GLRA2: variants seen among roughly 807,000 people sequenced by gnomAD.
The protein encoded by GLRA2 is glycine receptor subunit alpha-2.
In GLRA2, 11 loss-of-function variants were observed where a neutral mutation model predicts 31.6. The ratio of observed to expected loss-of-function variants is 0.35; its 90% CI spans 0.22 to 0.58. The LOEUF (loss-of-function observed/expected upper bound fraction) is 0.58. GLRA2 is among the 20% of genes least tolerant of loss of function. GLRA2 has a pLI of 0.84. For synonymous variants in GLRA2, 132 were observed against 134.0 expected (o/e 0.99, Z 0.10); for missense variants, 212 against 351.8 (o/e 0.60, Z 3.18).
At chrX:14,652,655 T>A (rs777248477) in intron 7 of GLRA2, among the ~76,000 whole-genome samples, 10 of 111,371 alleles carry the variant, frequency 9.0e-5, no homozygotes, top group African/African-American at 3.3e-4. Flanking sequence ...CCAGGAACCA[T>A]GCCCATATAA....
At chrX:14,449,211 G>C in the GLRA2 span, among the ~76,000 whole-genome samples, 25 of 112,140 alleles carry the variant, frequency 2.2e-4, no homozygotes, top group African/African-American at 7.5e-4. Context: ...AAATTGAAGA[G>C]GGAGGAAGCT....
At chrX:14,524,771 TTAATA>T (rs1474537166), upstream of GLRA2, among the ~76,000 whole-genome samples, 1 of 110,815 alleles carries the variant, frequency 9.0e-6, no homozygotes, top group Non-Finnish European at 1.9e-5. Flanking sequence ...TGTGTGTATC[TTAATA>T]TAATAGTAAC....
intron 2 of GLRA2, among the ~76,000 whole-genome samples, chrX:14,544,006 C>T (rs2089443161): frequency 9.0e-6 from 1 of 111,077 alleles, no homozygotes; most frequent in African/African-American, 3.3e-5. Flanking sequence ...CTTAAACATA[C>T]ATAAAATATA....
chrX:14,463,260 G>T, the GLRA2 span, among the ~76,000 whole-genome samples: 1 of 111,398 alleles, frequency 9.0e-6, no homozygotes, highest in East Asian at 2.8e-4. Flanking sequence ...TGAGGTGTCT[G>T]TCGGCACCTA....
intron 8 of GLRA2, among the ~76,000 whole-genome samples, chrX:14,717,429 T>C (rs17264511): frequency 0.099 from 10,889 of 110,391 alleles, 796 homozygotes; most frequent in African/African-American, 0.24. Flanking sequence ...TTACCTCTCA[T>C]TGATCATTTT....
At chrX:14,495,324 G>A in the GLRA2 span, among the ~76,000 whole-genome samples, 2 of 110,346 alleles carry the variant, frequency 1.8e-5, no homozygotes, top group Non-Finnish European at 3.8e-5. Flanking sequence ...TCTAAACATC[G>A]CAGAAAACTA....
chrX:14,729,039 CTTG>C (rs1009364999), intron 8 of GLRA2, among the ~76,000 whole-genome samples: 1 of 112,226 alleles, frequency 8.9e-6, no homozygotes, highest in African/African-American at 3.2e-5. Context: ...ACAAATTGTC[CTTG>C]TTGTACCATT....
At chrX:14,493,424 C>A in the GLRA2 span, among the ~76,000 whole-genome samples, 20 of 107,501 alleles carry the variant, frequency 1.9e-4, no homozygotes, top group Non-Finnish European at 3.8e-4. Flanking sequence ...AGGCTACATT[C>A]ACAGACCTTT....
chrX:14,551,484 G>A (rs192389871), intron 2 of GLRA2, among the ~76,000 whole-genome samples: 100 of 111,068 alleles, frequency 9.0e-4, no homozygotes, highest in African/African-American at 3.1e-3. Context: ...GTGGGGTGGA[G>A]GTATGGTAAA....
At chrX:14,528,880 G>A (rs975331680), upstream of GLRA2, among the ~76,000 whole-genome samples, 4 of 111,643 alleles carry the variant, frequency 3.6e-5, no homozygotes, top group Non-Finnish European at 7.5e-5. Context: ...GGATGCCCAA[G>A]GATTTTGAGC....
At chrX:14,637,385 G>A (rs1043415352) in intron 7 of GLRA2, among the ~76,000 whole-genome samples, 2 of 112,143 alleles carry the variant, frequency 1.8e-5, no homozygotes, top group Non-Finnish European at 3.8e-5. Flanking sequence ...GTGGTGGAAA[G>A]GACAGAACAG....
the GLRA2 span, among the ~76,000 whole-genome samples, chrX:14,463,394 C>T: frequency 1.5e-3 from 166 of 111,468 alleles, 1 homozygote; most frequent in Middle Eastern, 4.6e-3. Context: ...GCTGTCAGGC[C>T]GGGATGTTTA....
chrX:14,682,875 T>G (rs1190211192), intron 7 of GLRA2, among the ~76,000 whole-genome samples: 1 of 111,243 alleles, frequency 9.0e-6, no homozygotes, highest in Non-Finnish European at 1.9e-5. Flanking sequence ...ACAAAGGACA[T>G]GAACTCATCC....
intron 8 of GLRA2, among the ~76,000 whole-genome samples, chrX:14,691,247 A>C (rs1257477880): frequency 9.3e-6 from 1 of 107,797 alleles, no homozygotes; most frequent in Non-Finnish European, 1.9e-5. Flanking sequence ...GTTACTTTAA[A>C]ATCCTGGTTC....
intron 7 of GLRA2, among the ~76,000 whole-genome samples, chrX:14,620,371 ATCT>A (rs1182198941): frequency 9.1e-6 from 1 of 109,563 alleles, no homozygotes; most frequent in African/African-American, 3.3e-5. Context: ...GTGTCTAAAG[ATCT>A]TCTCATCTGG....
intron 7 of GLRA2, among the ~76,000 whole-genome samples, chrX:14,613,964 T>C (rs1467569356): frequency 8.9e-6 from 1 of 111,931 alleles, no homozygotes; most frequent in East Asian, 2.8e-4. Flanking sequence ...GACAAACAGA[T>C]ATTTTAGGAT....
chrX:14,492,232 ACAG>A, the GLRA2 span, among the ~76,000 whole-genome samples: 1 of 111,147 alleles, frequency 9.0e-6, no homozygotes, highest in African/African-American at 3.3e-5. Flanking sequence ...AGCCTGCAGA[ACAG>A]CAGGCTGTCA....
At chrX:14,691,339 G>A (rs187701066) in intron 8 of GLRA2, among the ~76,000 whole-genome samples, 11 of 103,495 alleles carry the variant, frequency 1.1e-4, no homozygotes, top group Admixed American at 7.3e-4. Context: ...GCGTGCGTGC[G>A]TGTACATCAC....
chrX:14,487,373 T>A, the GLRA2 span, among the ~76,000 whole-genome samples: 1 of 82,362 alleles, frequency 1.2e-5, no homozygotes, highest in Non-Finnish European at 2.3e-5. Flanking sequence ...AGCCAGTAAT[T>A]CATTGGTTTT....
Sources: gnomAD v4.1 joint callset for allele counts (sites outside exome capture counted in the v4.1 genomes callset) on GRCh38, gnomAD v4.1.1 for gene constraint, MANE v1.5 for transcripts, NCBI Gene and HGNC (gene_info 2026-07-23, HGNC 2026-07-21) for gene names.